The following CA10 variants were observed in gnomAD, a reference collection of about 807,000 sequenced individuals.
The protein encoded by CA10 is carbonic anhydrase-related protein 10.
In CA10, 14 loss-of-function variants were observed where a neutral mutation model predicts 44.2. That is an observed-to-expected ratio of 0.32 (90% CI 0.21 to 0.50). The LOEUF (loss-of-function observed/expected upper bound fraction) is 0.50. Among genes scored for constraint, CA10 ranks in the 20% least tolerant of loss-of-function variants. The pLI is 0.99. For synonymous variants in CA10, 159 were observed against 141.6 expected, an observed-to-expected ratio of 1.12 and a Z score of -0.87; for missense variants, 350 against 409.7, an observed-to-expected ratio of 0.85 and a Z score of 1.26.
intron 3 of CA10, among the ~76,000 whole-genome samples, chr17:51,778,452 A>G (rs929101267): frequency 2.0e-5 from 3 of 152,180 alleles, no homozygotes; most frequent in Non-Finnish European, 4.4e-5. Flanking sequence ...CTCTTCAGAT[A>G]GCTTTCTAAG....
intron 4 of CA10, among the ~76,000 whole-genome samples, chr17:51,705,720 T>G (rs1470846871): frequency 1.3e-5 from 2 of 152,142 alleles, no homozygotes; most frequent in Non-Finnish European, 2.9e-5. Context: ...TAGCCCACAG[T>G]GTCTCTCAAA....
At chr17:51,897,018 G>A (rs1413512455) in intron 3 of CA10, among the ~76,000 whole-genome samples, 1 of 152,016 alleles carries the variant, frequency 6.6e-6, no homozygotes, top group East Asian at 1.9e-4. Flanking sequence ...TATTCTGTAG[G>A]TTCTCTGTTT....
At chr17:52,119,140 A>G (rs190974748) in intron 1 of CA10, among the ~76,000 whole-genome samples, 65 of 152,366 alleles carry the variant, frequency 4.3e-4, no homozygotes, top group African/African-American at 1.5e-3. Flanking sequence ...ATAATTGAAT[A>G]AAGTACAATT....
intron 2 of CA10, among the ~76,000 whole-genome samples, chr17:51,979,257 T>C (rs1241406366): frequency 1.3e-5 from 2 of 152,138 alleles, no homozygotes; most frequent in Admixed American, 6.6e-5. Context: ...AAAAAGTATT[T>C]GCAAAACATA....
At chr17:51,991,197 AAAT>A (rs1171335753) in intron 2 of CA10, among the ~76,000 whole-genome samples, 2 of 152,152 alleles carry the variant, frequency 1.3e-5, no homozygotes, top group African/African-American at 2.4e-5. Context: ...AGCACCTGAC[AAAT>A]AATAATCCAT....
At chr17:51,895,887 A>G (rs1410418784) in intron 3 of CA10, among the ~76,000 whole-genome samples, 3 of 152,116 alleles carry the variant, frequency 2.0e-5, no homozygotes, top group African/African-American at 7.2e-5. Context: ...TCAAACTACT[A>G]TGAGGTAAAC....
intron 3 of CA10, among the ~76,000 whole-genome samples, chr17:51,871,394 ATTTTT>A (rs11438821): frequency 4.9e-5 from 4 of 81,280 alleles, no homozygotes; most frequent in African/African-American, 1.5e-4. Flanking sequence ...ACCAGGCCTA[ATTTTT>A]TTTTTTTTTT....
At chr17:51,778,077 C>T (rs184807141) in intron 3 of CA10, among the ~76,000 whole-genome samples, 20 of 152,276 alleles carry the variant, frequency 1.3e-4, no homozygotes, top group East Asian at 1.2e-3. Context: ...CTTTGCTCTC[C>T]GAGTCCAAGT....
At chr17:52,014,046 T>G (rs1003071321) in intron 2 of CA10, among the ~76,000 whole-genome samples, 5 of 151,904 alleles carry the variant, frequency 3.3e-5, no homozygotes, top group African/African-American at 1.2e-4. Flanking sequence ...GTGGTGGAAG[T>G]ATGACCAAAT....
rs546092099 is a variant in CA10, at chr17:51,808,016, T to C, written c.280-60198A>G. Among the ~76,000 whole-genome samples, 8 of 152,192 alleles carry C rather than the reference T, an allele frequency of 5.3e-5. No homozygotes were observed. The South Asian group carries it at 1.2e-3, about 24-fold the overall frequency. On this transcript the variant is annotated intron_variant, in intron 3 of 8. Transcript: ENST00000451037. The stretch of plus-strand genomic sequence containing the variant: ...GCAAGTTATACCTCAATAGATGTAA[T>C]GAATGAAAAATAAAGTTTCCACTGT...
intron 3 of CA10, among the ~76,000 whole-genome samples, chr17:51,873,216 A>C (rs1274239765): frequency 6.6e-6 from 1 of 152,236 alleles, no homozygotes; most frequent in East Asian, 1.9e-4. Flanking sequence ...ATTTGAAGGT[A>C]CTTAGAACAA....
Position 51,895,557 on chromosome 17 carries a change from A to G in CA10, c.279+35433T>C, listed in dbSNP as rs1278713848. Among the ~76,000 whole-genome samples, 2 of 152,142 alleles carry G rather than the reference A, an allele frequency of 1.3e-5. 1 individual carries two copies. The highest frequency in any genetic ancestry group is 2.9e-5 in the Non-Finnish European group (2 of 67,994). On this transcript the variant is annotated intron_variant, in intron 3 of 8. Coordinates refer to ENST00000451037, the MANE Select transcript of CA10 (RefSeq NM_020178.5). ...ATGAGCAATGATATCAGTAAAACTTATAGTTAATACTAAGTAATGGTTGAA... is the reference window on the plus strand; with the variant it reads ...ATGAGCAATGATATCAGTAAAACTTGTAGTTAATACTAAGTAATGGTTGAA...
chr17:52,054,018 T>C (rs905080677), intron 2 of CA10, among the ~76,000 whole-genome samples: 2 of 152,132 alleles, frequency 1.3e-5, no homozygotes, highest in African/African-American at 4.8e-5. Flanking sequence ...AGAGCATGTG[T>C]GTTTGAACAA....
At chr17:52,018,927 T>C (rs191565461) in intron 2 of CA10, among the ~76,000 whole-genome samples, 1 of 152,198 alleles carries the variant, frequency 6.6e-6, no homozygotes, top group Non-Finnish European at 1.5e-5. Context: ...ATGAGTGAGT[T>C]CTCACTCTAT....
rs17605420 is a variant in CA10 at position 51,995,175 on chromosome 17, A to G, written c.137-64043T>C. Among the ~76,000 whole-genome samples, 987 of 152,214 alleles carry G rather than the reference A, an allele frequency of 6.5e-3. 5 individuals carry two copies. The highest frequency in any genetic ancestry group is 0.011 in the Non-Finnish European group (733 of 67,962). On this transcript the variant is annotated intron_variant, in intron 2 of 8. Transcript: ENST00000451037. ...ATACACAAAGTTATCACAGAGGAGTAAAACCATGTAATATGATTTATTGCT... is the reference window on the plus strand; with the variant it reads ...ATACACAAAGTTATCACAGAGGAGTGAAACCATGTAATATGATTTATTGCT...
intron 3 of CA10, among the ~76,000 whole-genome samples, chr17:51,751,430 A>C (rs142965216): frequency 1.3e-5 from 2 of 152,222 alleles, no homozygotes; most frequent in African/African-American, 4.8e-5. Context: ...ATTGTATGTC[A>C]TATGTATTTT....
chr17:51,930,868 G>T, intron 3 of CA10, 122 bp downstream of exon 3: 1 of 1,143,524 alleles, frequency 8.7e-7, no homozygotes, highest in Non-Finnish European at 1.3e-6. Context: ...CAGGTCTGAA[G>T]TCTGTGGTAT....
intron 2 of CA10, among the ~76,000 whole-genome samples, chr17:52,054,421 T>C (rs1000991999): frequency 1.3e-5 from 2 of 152,106 alleles, no homozygotes; most frequent in African/African-American, 2.4e-5. Flanking sequence ...TCAATGACAA[T>C]GCGTGCCCGA....
At chr17:52,029,529 C>T (rs1986401562) in intron 2 of CA10, among the ~76,000 whole-genome samples, 1 of 152,216 alleles carries the variant, frequency 6.6e-6, no homozygotes, top group East Asian at 1.9e-4. Flanking sequence ...CCCACCACCC[C>T]ACAACAGGCT....
Sources: gnomAD v4.1 joint callset for allele counts (sites outside exome capture counted in the v4.1 genomes callset) on GRCh38, gnomAD v4.1.1 for gene constraint, MANE v1.5 for transcripts, NCBI Gene and HGNC (gene_info 2026-07-23, HGNC 2026-07-21) for gene names.